Variants in TBC1D23 observed in about 807,000 individuals in gnomAD.
The protein encoded by TBC1D23 is TBC1 domain family member 23, also known as HCV non-structural protein 4A-transactivated protein 1.
TBC1D23 carries 55 observed loss-of-function variants against 91.4 expected under a neutral mutation model. The observed-to-expected ratio is 0.60, with a 90% CI of 0.48 to 0.75. TBC1D23 has a LOEUF of 0.75. Ranked by LOEUF, TBC1D23 falls within the 30% of genes least tolerant of loss-of-function variation. TBC1D23 has a pLI of 0.00. For synonymous variants in TBC1D23, 289 were observed against 281.0 expected (o/e 1.03, Z -0.28); for missense variants, 725 against 836.1 (o/e 0.87, Z 1.64).
intron 15 of TBC1D23, among the ~76,000 whole-genome samples, chr3:100,315,154 C>CTTTTTTTT (rs397705981): frequency 1.6e-4 from 12 of 73,668 alleles, no homozygotes; most frequent in Admixed American, 3.4e-4. Flanking sequence ...GAGGCAGATT[C>CTTTTTTTT]TTTTTTTTTT....
chr3:100,266,389 C>T (rs2067557980), intron 1 of TBC1D23, among the ~76,000 whole-genome samples: 1 of 152,032 alleles, frequency 6.6e-6, no homozygotes, highest in Admixed American at 6.5e-5. Context: ...CTGCCTCAGT[C>T]TCTCAAGGAG....
intron 10 of TBC1D23, among the ~76,000 whole-genome samples, chr3:100,300,995 CTGAT>C (rs1307767364): frequency 1.3e-5 from 2 of 151,998 alleles, no homozygotes; most frequent in East Asian, 1.9e-4. Flanking sequence ...AATTTATTGC[CTGAT>C]TGATGTATAT....
intron 13 of TBC1D23, among the ~76,000 whole-genome samples, chr3:100,309,608 T>C (rs1396528330): frequency 7.9e-6 from 1 of 126,390 alleles, no homozygotes; most frequent in East Asian, 2.3e-4. Flanking sequence ...TTATTCTACC[T>C]TCTTTTTTTT....
intron 5 of TBC1D23, among the ~76,000 whole-genome samples, chr3:100,291,456 C>G (rs1359046317): frequency 4.6e-5 from 7 of 151,896 alleles, no homozygotes; most frequent in Non-Finnish European, 1.0e-4. Flanking sequence ...GTGGCGTGTA[C>G]CTGTAATCCC....
rs191230137 is a variant in TBC1D23 at position 100,296,677 on chromosome 3, G to A, written c.876+402G>A. Among the ~76,000 whole-genome samples, 429 of 151,662 alleles carry A rather than the reference G, an allele frequency of 2.8e-3. 2 individuals carry two copies. Among genetic ancestry groups the A allele is most frequent in the African/African-American group, 0.01 (417 of 41,336 alleles). On this transcript the variant is annotated intron_variant, in intron 8 of 18. Coordinates refer to ENST00000394144, the MANE Select transcript of TBC1D23 (RefSeq NM_001199198.3). Reference sequence around the variant, plus strand: ...GATCGAGACCATCCTGGCTAACACGGTGAAACCCTATCTTTACTAAGAAAT... The same window carrying A: ...GATCGAGACCATCCTGGCTAACACGATGAAACCCTATCTTTACTAAGAAAT...
At chr3:100,305,461 A>C (rs1705500368) in intron 12 of TBC1D23, among the ~76,000 whole-genome samples, 1 of 152,172 alleles carries the variant, frequency 6.6e-6, no homozygotes. Flanking sequence ...ATAAGATTTT[A>C]AAAGAGCCTG....
intron 9 of TBC1D23, 50 bp downstream of exon 9, chr3:100,298,095 A>G: frequency 6.5e-7 from 1 of 1,538,518 alleles, no homozygotes; most frequent in Admixed American, 1.8e-5. Context: ...TTTAAATACA[A>G]GGAACCAACT....
rs71625559 is a variant in TBC1D23, at chr3:100,296,860, C to CAA, written c.876+603_876+604dup. Among the ~76,000 whole-genome samples, 190 of 86,616 alleles carry CAA rather than the reference C, an allele frequency of 2.2e-3. 1 individual carries two copies. The highest frequency in any genetic ancestry group is 6.8e-3 in the South Asian group (18 of 2,654). 56.8% of individuals were successfully genotyped at this position (86,616 alleles called of 152,430 possible). ...GGGCGACAGAGTGAAGACTCTGTCT[C>CAA]AAAAAAAAAAAAAAAAAAATTATAT... On this transcript the variant is annotated intron_variant, in intron 8 of 18. Transcript: ENST00000394144.
chr3:100,309,858 C>CAGG lies in TBC1D23; in HGVS notation c.1414-545_1414-544insAGG, dbSNP rs1559813656. Among the ~76,000 whole-genome samples the CAGG allele has an allele frequency of 6.8e-3, 1,031 of 152,240 alleles. 15 individuals carry two copies. Among genetic ancestry groups the CAGG allele is most frequent in the African/African-American group, 0.024 (991 of 41,528 alleles). Reference sequence around the variant, plus strand: ...ACTCCTGACCTCATGATCCACCTGCCTCGGCCTCCCAAAGTACTGGGATTA... The same window carrying CAGG: ...ACTCCTGACCTCATGATCCACCTGCCAGGTCGGCCTCCCAAAGTACTGGGATTA... On this transcript the variant is annotated intron_variant, in intron 13 of 18. Coordinates refer to ENST00000394144, the MANE Select transcript of TBC1D23 (RefSeq NM_001199198.3).
intron 16 of TBC1D23, among the ~76,000 whole-genome samples, chr3:100,316,673 C>G (rs1705751910): frequency 6.6e-6 from 1 of 151,938 alleles, no homozygotes; most frequent in African/African-American, 2.4e-5. Flanking sequence ...AGTTGTGGGA[C>G]TAAAGCACTG....
intron 18 of TBC1D23, among the ~76,000 whole-genome samples, 195 bp from the exon 19 acceptor site, chr3:100,323,392 G>T (rs111600384): frequency 1.3e-5 from 2 of 151,854 alleles, no homozygotes; most frequent in Non-Finnish European, 2.9e-5. Context: ...ATTTTCTTTC[G>T]AAATAAGCTT....
At chr3:100,268,371 A>G (rs2067573938) in intron 1 of TBC1D23, among the ~76,000 whole-genome samples, 1 of 152,148 alleles carries the variant, frequency 6.6e-6, no homozygotes, top group South Asian at 2.1e-4. Context: ...ATCAAAAAAA[A>G]TGTTCCTTGA....
chr3:100,291,238 C>G (rs896167870), intron 5 of TBC1D23, among the ~76,000 whole-genome samples: 5 of 151,858 alleles, frequency 3.3e-5, no homozygotes, highest in African/African-American at 9.7e-5. Context: ...GTGTCAGGAC[C>G]CTTTACACTC....
At chr3:100,288,266 T>TA (rs1182402259) in intron 4 of TBC1D23, among the ~76,000 whole-genome samples, 14 of 151,712 alleles carry the variant, frequency 9.2e-5, no homozygotes, top group East Asian at 3.9e-4. Context: ...ATTAAAAAAT[T>TA]AAAAAAAACT....
At position 100,272,931 on chromosome 3, in the gene TBC1D23, C is replaced by T. The variant is rs903128858; in HGVS notation, c.54-6718C>T. ...ATGGAACATACAATCGGTTTTATAC[C>T]GAGACATTCCATTGCCCAGGGACGG... is the stretch of plus-strand genomic sequence containing the variant. On this transcript the variant is annotated intron_variant, in intron 1 of 18. Coordinates refer to ENST00000394144, the MANE Select transcript of TBC1D23 (RefSeq NM_001199198.3). Among the ~76,000 whole-genome samples the T allele has an allele frequency of 5.9e-5, 9 of 152,180 alleles. No homozygotes were observed. In the South Asian group the frequency reaches 1.4e-3, roughly 24 times the overall value.
intron 7 of TBC1D23, 87 bp downstream of exon 7, chr3:100,295,435 TTAGTC>T: frequency 9.0e-6 from 10 of 1,108,430 alleles, no homozygotes; most frequent in East Asian, 2.5e-5. Flanking sequence ...ATTTAGGAGA[TTAGTC>T]TAGAAGAGCT....
intron 13 of TBC1D23, among the ~76,000 whole-genome samples, chr3:100,310,144 T>C (rs542363594): frequency 1.3e-5 from 2 of 152,234 alleles, no homozygotes; most frequent in African/African-American, 2.4e-5. Context: ...TCTGTTTTCA[T>C]GTGCTCATGT....
chr3:100,272,230 G>C (rs1277112438), intron 1 of TBC1D23, among the ~76,000 whole-genome samples: 4 of 152,012 alleles, frequency 2.6e-5, no homozygotes, highest in Non-Finnish European at 4.4e-5. Context: ...CAGTATTGGA[G>C]AACTAAAATG....
At chr3:100,273,433 T>G (rs562154701) in intron 1 of TBC1D23, among the ~76,000 whole-genome samples, 4 of 152,294 alleles carry the variant, frequency 2.6e-5, no homozygotes, top group Admixed American at 6.5e-5. Context: ...GATCTCTCTT[T>G]CTTTTCCCCA....
Sources: gnomAD v4.1 joint callset for allele counts (sites outside exome capture counted in the v4.1 genomes callset) on GRCh38, gnomAD v4.1.1 for gene constraint, MANE v1.5 for transcripts, NCBI Gene and HGNC (gene_info 2026-07-23, HGNC 2026-07-21) for gene names.